Variants in SLX9 observed in about 807,000 individuals in gnomAD.
The protein encoded by SLX9 is SLX9 ribosome biogenesis factor.
A neutral mutation model predicts 20.8 loss-of-function variants in SLX9; 19 were observed. That is an observed-to-expected ratio of 0.91 (90% CI 0.64 to 1.34). The LOEUF (loss-of-function observed/expected upper bound fraction) is 1.34, where lower values mean the gene tolerates loss of function less well. SLX9 is among the 40% of genes most tolerant of loss of function. SLX9 has a pLI of 0.00. For synonymous variants in SLX9, 113 were observed against 137.1 expected, an observed-to-expected ratio of 0.82 and a Z score of 1.23; for missense variants, 299 against 322.2, an observed-to-expected ratio of 0.93 and a Z score of 0.55.
At chr21:44,961,691 A>T (rs780422304) in intron 3 of SLX9, among the ~76,000 whole-genome samples, 1 of 152,064 alleles carries the variant, frequency 6.6e-6, no homozygotes, top group Non-Finnish European at 1.5e-5. Flanking sequence ...TTGTATCTCC[A>T]CCTTCATTTC....
chr21:44,959,573 C>G (rs978626198), intron 2 of SLX9, among the ~76,000 whole-genome samples: 1 of 152,210 alleles, frequency 6.6e-6, no homozygotes, highest in Non-Finnish European at 1.5e-5. Context: ...TTTGGAGGCT[C>G]CCTGAGAGGG....
intron 2 of SLX9, among the ~76,000 whole-genome samples, chr21:44,959,581 G>A (rs925628872): frequency 1.4e-4 from 21 of 152,258 alleles, no homozygotes; most frequent in African/African-American, 5.1e-4. Context: ...CTCCCTGAGA[G>A]GGCCGCTTTG....
intron 3 of SLX9, among the ~76,000 whole-genome samples, chr21:44,965,771 A>T (rs1399477248): frequency 1.3e-5 from 2 of 152,052 alleles, no homozygotes; most frequent in Non-Finnish European, 2.9e-5. Flanking sequence ...GTCTGTCCTC[A>T]CGGGAACCAC....
At chr21:44,976,542 T>A (rs1380422414) in intron 5 of SLX9, 138 bp from the exon 6 acceptor site, 3 of 1,350,968 alleles carry the variant, frequency 2.2e-6, no homozygotes, top group Non-Finnish European at 2.9e-6. Flanking sequence ...CTGCCGGAAG[T>A]TTCCGAGGCC....
At chr21:44,976,297 G>A (rs1354600653) in intron 5 of SLX9, among the ~76,000 whole-genome samples, 2 of 147,700 alleles carry the variant, frequency 1.4e-5, no homozygotes, top group East Asian at 2.1e-4. Flanking sequence ...CTCGGCTCTC[G>A]GCTCTCCTCT....
chr21:44,970,458 C>T (rs1298033348), intron 4 of SLX9, among the ~76,000 whole-genome samples: 1 of 152,196 alleles, frequency 6.6e-6, no homozygotes, highest in Non-Finnish European at 1.5e-5. Context: ...CCAGGCGCAT[C>T]TTGGACATCT....
chr21:44,940,977 A>C (rs1259637671), intron 1 of SLX9, among the ~76,000 whole-genome samples: 1 of 151,066 alleles, frequency 6.6e-6, no homozygotes, highest in Admixed American at 6.6e-5. Context: ...ATCTTAATTC[A>C]AGTTTACTGA....
At chr21:44,975,303 C>G (rs1434094001) in intron 5 of SLX9, among the ~76,000 whole-genome samples, 1 of 152,194 alleles carries the variant, frequency 6.6e-6, no homozygotes. Context: ...AAGGCTGCTC[C>G]CCTGAGTACG....
intron 4 of SLX9, among the ~76,000 whole-genome samples, chr21:44,972,307 G>A (rs565788306): frequency 3.3e-5 from 5 of 152,276 alleles, no homozygotes; most frequent in East Asian, 1.9e-4. Context: ...TGCCTTGGCC[G>A]GCTGACCACA....
chr21:44,969,007 C>T (rs776178956), intron 4 of SLX9: 82 of 375,128 alleles, frequency 2.2e-4, no homozygotes, highest in Non-Finnish European at 4.1e-4. Context: ...GCCGCCTCGG[C>T]CTCCCAAAGT....
chr21:44,940,672 A>ATTT lies in SLX9; in HGVS notation c.129+499_129+501dup, dbSNP rs34771024. Among the ~76,000 whole-genome samples, 1,268 of 146,108 alleles carry ATTT rather than the reference A, an allele frequency of 8.7e-3. 8 individuals are homozygous for ATTT. The highest frequency in any genetic ancestry group is 0.018 in the African/African-American group (715 of 39,722). ...TGTGAGTGGAATTATTGCTTTCAGGATTTTTTTTTTTTTTTGGCTTTTGCC... is the reference window on the plus strand; with the variant it reads ...TGTGAGTGGAATTATTGCTTTCAGGATTTTTTTTTTTTTTTTTTGGCTTTTGCC... On this transcript the variant is annotated intron_variant, in intron 1 of 5. Coordinates refer to ENST00000291634, the MANE Select transcript of SLX9 (RefSeq NM_058190.4).
chr21:44,946,965 C>T (rs2084654519), intron 2 of SLX9, among the ~76,000 whole-genome samples: 1 of 152,200 alleles, frequency 6.6e-6, no homozygotes, highest in Non-Finnish European at 1.5e-5. Flanking sequence ...AGAGGAGTAG[C>T]CCCACAGGCG....
At chr21:44,973,935 C>T (rs1310140943) in intron 5 of SLX9, among the ~76,000 whole-genome samples, 1 of 152,172 alleles carries the variant, frequency 6.6e-6, no homozygotes, top group Admixed American at 6.5e-5. Flanking sequence ...GGACGCAGCC[C>T]CATCTCCGCC....
intron 2 of SLX9, chr21:44,959,342 G>A (rs1347532168): frequency 1.5e-5 from 13 of 846,702 alleles, no homozygotes; most frequent in East Asian, 2.4e-4. Flanking sequence ...AGTTAAGGCC[G>A]AGGAAATGGG....
At chr21:44,949,262 G>A (rs2084707479) in intron 2 of SLX9, among the ~76,000 whole-genome samples, 1 of 152,158 alleles carries the variant, frequency 6.6e-6, no homozygotes, top group Non-Finnish European at 1.5e-5. Context: ...CACGGTTTGT[G>A]GCCTTGCCCG....
intron 5 of SLX9, 141 bp from the exon 6 acceptor site, chr21:44,976,539 A>C (rs2085266574): frequency 7.6e-7 from 1 of 1,321,044 alleles, no homozygotes; most frequent in South Asian, 1.5e-5. Context: ...CTCCTGCCGG[A>C]AGTTTCCGAG....
At chr21:44,951,001 C>T (rs527735562) in intron 2 of SLX9, among the ~76,000 whole-genome samples, 3 of 152,242 alleles carry the variant, frequency 2.0e-5, no homozygotes, top group Admixed American at 6.5e-5. Context: ...CACGTGGCGG[C>T]GACTGGGTAC....
chr21:44,967,116 C>T lies in SLX9; in HGVS notation c.435C>T (p.His145=), dbSNP rs1302826733. The part of the protein sequence containing the change: ...RRATVVVGDL[H]PLRDALPELL... ...CCACGGTGGTGGTGGGGGACCTGCA[C>T]CCTCTCAGGGATGCCCTGCCCGAGC... Residue 145 remains histidine, a synonymous_variant, in exon 4 of 6, where the codon CAC becomes CAT. Transcript: ENST00000291634. 4 of 1,610,560 alleles carry T rather than the reference C, an allele frequency of 2.5e-6. No homozygotes were observed. The Admixed American group carries it at 6.7e-5, about 27-fold the overall frequency.
intron 4 of SLX9, chr21:44,969,227 C>G: frequency 2.1e-6 from 1 of 469,518 alleles, no homozygotes; most frequent in Non-Finnish European, 4.4e-6. Flanking sequence ...GCTGGCATCC[C>G]GCGGCGGAGG....
Sources: gnomAD v4.1 joint callset for allele counts (sites outside exome capture counted in the v4.1 genomes callset) on GRCh38, gnomAD v4.1.1 for gene constraint, MANE v1.5 for transcripts, NCBI Gene and HGNC (gene_info 2026-07-23, HGNC 2026-07-21) for gene names.